Variants in TMC1 observed in about 807,000 individuals in gnomAD.
The protein encoded by TMC1 is transmembrane channel like 1.
Under a neutral mutation model 105.8 loss-of-function variants are expected in TMC1, and 84 were observed. The observed-to-expected ratio is 0.79, with a 90% CI of 0.67 to 0.95. The LOEUF is 0.95. TMC1 is among the 40% of genes least tolerant of loss of function. The pLI is 0.00. For synonymous variants in TMC1, 315 were observed against 311.5 expected (o/e 1.01, Z -0.12); for missense variants, 817 against 914.1 (o/e 0.89, Z 1.37).
Position 72,836,266 on chromosome 9 carries a change from C to A in TMC1, c.*293C>A. 2.3e-6 allele frequency: 1 copy of A among 435,148 alleles called. No individual in the cohort carries two copies. The highest frequency in any genetic ancestry group is 4.1e-6 in the Non-Finnish European group (1 of 243,694). 27.0% of individuals were successfully genotyped at this position (435,148 alleles called of 1,614,324 possible). Reference sequence around the variant, plus strand: ...ATTGAGTTTAGAAGTGAGTGTAATCCAGCAATACAGTTTACTGGTTTAGTT... The same window carrying A: ...ATTGAGTTTAGAAGTGAGTGTAATCAAGCAATACAGTTTACTGGTTTAGTT... On this transcript the variant is annotated 3_prime_UTR_variant, in exon 24 of 24. Coordinates refer to ENST00000297784, the MANE Select transcript of TMC1 (RefSeq NM_138691.3).
At chr9:72,756,359 G>A (rs748413603) in intron 12 of TMC1, among the ~76,000 whole-genome samples, 11 of 152,142 alleles carry the variant, frequency 7.2e-5, no homozygotes, top group Admixed American at 6.5e-4. Context: ...CTGAGCAAGT[G>A]GTTCTTATTT....
intron 5 of TMC1, among the ~76,000 whole-genome samples, chr9:72,679,298 T>C (rs1007538820): frequency 6.6e-6 from 1 of 152,082 alleles, no homozygotes; most frequent in Admixed American, 6.6e-5. Flanking sequence ...CTCAAGACTT[T>C]CTTTTTCTCT....
intron 12 of TMC1, among the ~76,000 whole-genome samples, chr9:72,767,669 A>G (rs1284753749): frequency 1.3e-5 from 2 of 152,218 alleles, no homozygotes; most frequent in African/African-American, 4.8e-5. Context: ...TTAGAGTCTT[A>G]ATAGACAACA....
At chr9:72,704,224 A>T (rs2117882459) in intron 8 of TMC1, among the ~76,000 whole-genome samples, 1 of 151,526 alleles carries the variant, frequency 6.6e-6, no homozygotes, top group African/African-American at 2.4e-5. Flanking sequence ...AGTCTGTGAA[A>T]CCCAAGATAC....
intron 1 of TMC1, among the ~76,000 whole-genome samples, chr9:72,546,584 A>G (rs1019416870): frequency 6.6e-6 from 1 of 152,218 alleles, no homozygotes; most frequent in African/African-American, 2.4e-5. Context: ...ACTTGTGATT[A>G]AATATTTGTT....
intron 4 of TMC1, among the ~76,000 whole-genome samples, chr9:72,643,357 T>C (rs570355954): frequency 6.6e-6 from 1 of 152,204 alleles, no homozygotes; most frequent in East Asian, 1.9e-4. Flanking sequence ...GAAATTGATA[T>C]GCAGTAAACT....
intron 2 of TMC1, among the ~76,000 whole-genome samples, chr9:72,609,719 G>A (rs948515457): frequency 6.6e-6 from 1 of 152,064 alleles, no homozygotes; most frequent in Non-Finnish European, 1.5e-5. Context: ...ATCATGACTA[G>A]CTGTTGCTCT....
intron 12 of TMC1, among the ~76,000 whole-genome samples, chr9:72,767,935 A>G (rs1344116751): frequency 2.0e-5 from 3 of 152,200 alleles, no homozygotes; most frequent in Admixed American, 6.5e-5. Flanking sequence ...CCACTGGGTA[A>G]AAGATGAGGA....
chr9:72,722,475 T>C (rs965959012), intron 8 of TMC1, among the ~76,000 whole-genome samples: 3 of 152,164 alleles, frequency 2.0e-5, no homozygotes, highest in Non-Finnish European at 4.4e-5. Context: ...AGAAATAAAA[T>C]TCAAATGAAT....
intron 5 of TMC1, among the ~76,000 whole-genome samples, chr9:72,672,427 G>A (rs1007687504): frequency 1.3e-5 from 2 of 151,960 alleles, no homozygotes; most frequent in African/African-American, 4.8e-5. Flanking sequence ...TCACTTAGAT[G>A]TTCATATTAA....
chr9:72,636,623 C>T (rs1381122848), intron 4 of TMC1, among the ~76,000 whole-genome samples: 2 of 147,740 alleles, frequency 1.4e-5, no homozygotes, highest in Non-Finnish European at 3.0e-5. Flanking sequence ...CAGGAGAATT[C>T]CTCGAACCTG....
intron 2 of TMC1, among the ~76,000 whole-genome samples, chr9:72,606,994 T>TAGAGAGAGAGAGAG (rs1406616090): frequency 2.3e-5 from 2 of 87,578 alleles, no homozygotes; most frequent in Non-Finnish European, 2.6e-5. Context: ...TATATATATA[T>TAGAGAGAGAGAGAG]ATATATATAG....
intron 17 of TMC1, 102 bp from the exon 18 acceptor site, chr9:72,805,280 C>A: frequency 7.5e-7 from 1 of 1,341,208 alleles, no homozygotes; most frequent in Non-Finnish European, 1.1e-6. Flanking sequence ...TAATTGCAGT[C>A]TTCAAGCCAA....
intron 5 of TMC1, among the ~76,000 whole-genome samples, chr9:72,649,480 G>A (rs1258668520): frequency 2.0e-5 from 3 of 152,138 alleles, no homozygotes; most frequent in Non-Finnish European, 2.9e-5. Flanking sequence ...TGGAAACAGA[G>A]ACCTCATTTA....
At chr9:72,787,688 T>A (rs765944055) in intron 13 of TMC1, among the ~76,000 whole-genome samples, 1 of 151,360 alleles carries the variant, frequency 6.6e-6, no homozygotes, top group African/African-American at 2.4e-5. Flanking sequence ...CACACACATA[T>A]AATTACTGAT....
chr9:72,694,578 C>G lies in TMC1; in HGVS notation c.100C>G (p.Arg34Gly). ...AGAGGAGGTGGAAGATAAGCTACCTCGAAGAGAGAGCTTGAGACCAAAGAG... is the reference window on the plus strand; with the variant it reads ...AGAGGAGGTGGAAGATAAGCTACCTGGAAGAGAGAGCTTGAGACCAAAGAG... ...EEEEVEDKLP[R>G]RESLRPKRKR... The change falls in exon 7 of 24, where the codon CGA becomes GGA. Residue 34 changes from arginine to glycine, a missense_variant. Physicochemically the swap from Arg to Gly is moderately radical, Grantham distance 125 (BLOSUM62 -2). Coordinates refer to ENST00000297784, the MANE Select transcript of TMC1 (RefSeq NM_138691.3). 6.2e-7 allele frequency: 1 copy of G among 1,612,698 alleles called. No individual in the cohort carries two copies. Among genetic ancestry groups the G allele is most frequent in the Non-Finnish European group, 8.5e-7 (1 of 1,179,326 alleles).
intron 13 of TMC1, 96 bp from the exon 14 acceptor site, chr9:72,788,243 A>G: frequency 5.3e-6 from 7 of 1,317,056 alleles, no homozygotes; most frequent in South Asian, 4.8e-5. Context: ...TCTTTTTGCT[A>G]TTGCTTCTCC....
At chr9:72,675,021 C>G (rs1255702004) in intron 5 of TMC1, among the ~76,000 whole-genome samples, 1 of 152,140 alleles carries the variant, frequency 6.6e-6, no homozygotes, top group Non-Finnish European at 1.5e-5. Context: ...AAGAAGAATG[C>G]AGAAGTATGA....
intron 1 of TMC1, among the ~76,000 whole-genome samples, chr9:72,526,111 G>T (rs924365850): frequency 6.6e-6 from 1 of 152,188 alleles, no homozygotes; most frequent in East Asian, 1.9e-4. Flanking sequence ...GGCTGGGGGC[G>T]TGGGGTGTAA....
Sources: gnomAD v4.1 joint callset for allele counts (sites outside exome capture counted in the v4.1 genomes callset) on GRCh38, gnomAD v4.1.1 for gene constraint, MANE v1.5 for transcripts, NCBI Gene and HGNC (gene_info 2026-07-23, HGNC 2026-07-21) for gene names.